Variants in TDRD7 observed in about 807,000 individuals in gnomAD.
TDRD7 encodes tudor domain-containing protein 7.
Under a neutral mutation model 109.8 loss-of-function variants are expected in TDRD7, and 47 were observed. The observed-to-expected ratio is 0.43, with a 90% CI of 0.34 to 0.55. TDRD7 has a LOEUF of 0.55. Ranked by LOEUF, TDRD7 falls within the 20% of genes least tolerant of loss-of-function variation. TDRD7 has a pLI of 0.03. For missense variants in TDRD7, 1,164 were observed against 1,319.2 expected, an observed-to-expected ratio of 0.88 and a Z score of 1.82; for synonymous variants, 424 against 457.3, an observed-to-expected ratio of 0.93 and a Z score of 0.93.
chr9:97,463,430 T>A (rs2131153083), intron 7 of TDRD7, among the ~76,000 whole-genome samples: 1 of 151,378 alleles, frequency 6.6e-6, no homozygotes, highest in East Asian at 2.0e-4. Context: ...CTATGGCATC[T>A]TCTGCCCTGC....
chr9:97,496,088 A>G lies in TDRD7; in HGVS notation c.*205A>G, dbSNP rs190611795. ...CAAAGAAAATTGTACTTGAATTATT[A>G]CTATAATATTAGAATAAAAATGTTT... On this transcript the variant is annotated 3_prime_UTR_variant, in exon 17 of 17. Coordinates refer to ENST00000355295, the MANE Select transcript of TDRD7 (RefSeq NM_014290.3). The G allele has an allele frequency of 1.2e-4, 65 of 532,152 alleles. 1 individual carries two copies. Among genetic ancestry groups the G allele is most frequent in the Non-Finnish European group, 4.0e-5 (12 of 298,882 alleles). 33.0% of individuals were successfully genotyped at this position (532,152 alleles called of 1,614,324 possible).
chr9:97,428,363 A>G, intron 1 of TDRD7, 97 bp from the exon 2 acceptor site: 1 of 1,198,614 alleles, frequency 8.3e-7, no homozygotes, highest in Non-Finnish European at 1.2e-6. Context: ...AGTATGCAGT[A>G]ATAATTTATA....
Position 97,460,648 on chromosome 9 carries a change from T to C in TDRD7, c.1326T>C (p.Ala442=). Reference sequence around the variant, plus strand: ...ATTTGCAGGTAGAAGAAAGCATTGCTGAAAGTGCTAATACCTTTATGGAGG... The same window carrying C: ...ATTTGCAGGTAGAAGAAAGCATTGCCGAAAGTGCTAATACCTTTATGGAGG... The part of the protein sequence containing the change: ...QEYLQVEESI[A]ESANTFMEDI... Residue 442 remains alanine (A), a synonymous_variant, in exon 7 of 17, where the codon GCT becomes GCC. Transcript: ENST00000355295. 2.5e-6 allele frequency: 4 copies of C among 1,614,212 alleles called. No homozygotes were observed. Among genetic ancestry groups the C allele is most frequent in the Non-Finnish European group, 3.4e-6 (4 of 1,180,022 alleles).
At chr9:97,466,348 G>T (rs960522227) in intron 8 of TDRD7, among the ~76,000 whole-genome samples, 2 of 152,138 alleles carry the variant, frequency 1.3e-5, no homozygotes, top group Non-Finnish European at 2.9e-5. Flanking sequence ...AGGCATTTAG[G>T]AAACTCCCCA....
At chr9:97,469,270 A>G (rs1029812445) in intron 8 of TDRD7, among the ~76,000 whole-genome samples, 6 of 152,318 alleles carry the variant, frequency 3.9e-5, no homozygotes, top group African/African-American at 1.4e-4. Flanking sequence ...GATTGGAGAA[A>G]TAGACTTGTG....
intron 16 of TDRD7, among the ~76,000 whole-genome samples, chr9:97,490,552 G>GC (rs1013522481): frequency 7.0e-5 from 10 of 143,096 alleles, no homozygotes; most frequent in African/African-American, 2.5e-4. Flanking sequence ...ATTTTGGTGG[G>GC]GGGGGGGGCA....
intron 7 of TDRD7, among the ~76,000 whole-genome samples, chr9:97,463,709 C>T (rs767611641): frequency 1.1e-4 from 17 of 152,040 alleles, no homozygotes; most frequent in East Asian, 5.8e-4. Flanking sequence ...AGACCCTGGA[C>T]GAAATCATCT....
chr9:97,475,344 C>CTAAGAGTAATAAGAG, intron 11 of TDRD7, 39 bp from the exon 12 acceptor site: 1 of 1,492,386 alleles, frequency 6.7e-7, no homozygotes, highest in Non-Finnish European at 9.3e-7. Flanking sequence ...ATGCTCTTTG[C>CTAAGAGTAATAAGAG]TAAGAGTAAT....
intron 7 of TDRD7, among the ~76,000 whole-genome samples, chr9:97,462,332 T>G (rs1828740030): frequency 6.6e-6 from 1 of 152,228 alleles, no homozygotes; most frequent in Admixed American, 6.5e-5. Flanking sequence ...TTTAAATACC[T>G]TATCCCAGTA....
At chr9:97,490,551 G>GA (rs544383312) in intron 16 of TDRD7, among the ~76,000 whole-genome samples, 5 of 135,978 alleles carry the variant, frequency 3.7e-5, no homozygotes, top group African/African-American at 1.1e-4. Context: ...TATTTTGGTG[G>GA]GGGGGGGGGC....
At chr9:97,429,525 T>G (rs1171033919) in intron 2 of TDRD7, among the ~76,000 whole-genome samples, 1 of 152,096 alleles carries the variant, frequency 6.6e-6, no homozygotes, top group Non-Finnish European at 1.5e-5. Context: ...GAGGAGGCAG[T>G]GGTGGAGGAG....
intron 6 of TDRD7, among the ~76,000 whole-genome samples, chr9:97,445,396 T>A (rs187027938): frequency 1.9e-4 from 29 of 152,342 alleles, no homozygotes; most frequent in Admixed American, 1.8e-3. Context: ...TGGAACTTTC[T>A]GTCCAATGGG....
chr9:97,426,933 G>A lies in TDRD7; in HGVS notation c.-6-1527G>A, dbSNP rs558443486. Among the ~76,000 whole-genome samples, 6 of 152,294 alleles carry A rather than the reference G, an allele frequency of 3.9e-5. No homozygotes were observed. In the East Asian group the frequency reaches 1.2e-3, roughly 29 times the overall value. ...GAGAAAGAAAATGGCTATTTGTCTA[G>A]AATTCTCCGCTGTCCAGTATGGTAG... On this transcript the variant is annotated intron_variant, in intron 1 of 16. Coordinates refer to ENST00000355295, the MANE Select transcript of TDRD7 (RefSeq NM_014290.3).
chr9:97,424,941 T>A (rs1333069499), intron 1 of TDRD7, among the ~76,000 whole-genome samples: 2 of 152,108 alleles, frequency 1.3e-5, no homozygotes, highest in Admixed American at 6.5e-5. Context: ...GGCATATTAT[T>A]ATACCTTTTT....
At chr9:97,426,246 A>G (rs1827992342) in intron 1 of TDRD7, among the ~76,000 whole-genome samples, 1 of 151,954 alleles carries the variant, frequency 6.6e-6, no homozygotes, top group Non-Finnish European at 1.5e-5. Context: ...AAAAGTTTTC[A>G]TTTCTTTTAC....
chr9:97,455,524 G>A (rs1241074171), intron 6 of TDRD7, among the ~76,000 whole-genome samples: 1 of 152,146 alleles, frequency 6.6e-6, no homozygotes, highest in Non-Finnish European at 1.5e-5. Context: ...TTCAACATAT[G>A]TAAATCAGTA....
intron 12 of TDRD7, 113 bp downstream of exon 12, chr9:97,475,582 A>G (rs1829005206): frequency 4.9e-6 from 4 of 813,496 alleles, no homozygotes; most frequent in Admixed American, 2.0e-5. Flanking sequence ...TCATCAGTTT[A>G]TGAAATAAAA....
chr9:97,460,652 A>G lies in TDRD7; in HGVS notation c.1330A>G (p.Ser444Gly), dbSNP rs1238234413. The G allele has an allele frequency of 1.2e-6, 2 of 1,614,078 alleles. No homozygotes were observed. The highest frequency in any genetic ancestry group is 8.5e-7 in the Non-Finnish European group (1 of 1,180,036). ...GCAGGTAGAAGAAAGCATTGCTGAA[A>G]GTGCTAATACCTTTATGGAGGACAT... ...YLQVEESIAE[S>G]ANTFMEDITV... Residue 444 changes from serine (S) to glycine (G), a missense_variant, in exon 7 of 17, where the codon AGT (serine) becomes GGT (glycine). Ser to Gly is a moderately conservative substitution (Grantham distance 56). This residue lies in a region of TDRD7 where 407 missense variants were observed against 394.0 expected (regional missense o/e 1.03). Coordinates refer to ENST00000355295, the MANE Select transcript of TDRD7 (RefSeq NM_014290.3).
intron 15 of TDRD7, among the ~76,000 whole-genome samples, chr9:97,484,692 TA>T (rs1339239322): frequency 6.6e-6 from 1 of 152,220 alleles, no homozygotes; most frequent in Non-Finnish European, 1.5e-5. Flanking sequence ...TTTTCTTCTC[TA>T]AAAAACCATT....
Sources: gnomAD v4.1 joint callset for allele counts (sites outside exome capture counted in the v4.1 genomes callset) on GRCh38, gnomAD v4.1.1 for gene constraint, gnomAD v4.1.1 regional missense constraint, MANE v1.5 for transcripts, NCBI Gene and HGNC (gene_info 2026-07-23, HGNC 2026-07-21) for gene names.